Variants in MKRN2OS observed in about 807,000 individuals in gnomAD.
MKRN2OS encodes the protein MKRN2 opposite strand.
Under a neutral mutation model 18.2 loss-of-function variants are expected in MKRN2OS, and 17 were observed. The observed-to-expected ratio is 0.93, with a 90% CI of 0.64 to 1.40. The LOEUF is 1.40. Among genes scored for constraint, MKRN2OS ranks in the 40% most tolerant of loss-of-function variants. The probability of loss-of-function intolerance (pLI) is 0.00; values close to 1 mark genes in which losing one functional copy is unlikely to be tolerated. For synonymous variants in MKRN2OS, 121 were observed against 108.5 expected (o/e 1.12, Z -0.72); for missense variants, 337 against 283.0 (o/e 1.19, Z -1.37).
rs1450184896 is a variant in MKRN2OS at position 12,540,468 on chromosome 3, G to A, written c.432-35C>T. On this transcript the variant is annotated intron_variant, in intron 3 of 3. Coordinates refer to ENST00000564146, the MANE Select transcript of MKRN2OS (RefSeq NM_001195279.2). ...GAGAATAAGGGTGTTGAGAAGAAAA[G>A]GCTGCTCAGAACAGGCTGTCAAGCT... The A allele has an allele frequency of 3.3e-6, 5 of 1,535,340 alleles. No individual in the cohort carries two copies. The African/African-American group carries it at 6.8e-5, about 21-fold the overall frequency.
intron 1 of MKRN2OS, among the ~76,000 whole-genome samples, chr3:12,544,485 G>A (rs1374693744): frequency 6.6e-6 from 1 of 152,000 alleles, no homozygotes; most frequent in Non-Finnish European, 1.5e-5. Context: ...AGCCCAGCCT[G>A]GCCAACATGG....
chr3:12,554,363 C>T (rs1202095526), intron 1 of MKRN2OS, among the ~76,000 whole-genome samples: 2 of 152,052 alleles, frequency 1.3e-5, no homozygotes, highest in Non-Finnish European at 2.9e-5. Context: ...CGGGAAAAGT[C>T]TAAGTGCTAA....
downstream of MKRN2OS, among the ~76,000 whole-genome samples, chr3:12,553,100 A>T (rs538896739): frequency 6.6e-6 from 1 of 152,100 alleles, no homozygotes; most frequent in Non-Finnish European, 1.5e-5. Context: ...CCAGATGTTT[A>T]AGGGAAAAAT....
At chr3:12,543,365 T>G in intron 1 of MKRN2OS, 136 bp from the exon 2 acceptor site, 1 of 652,014 alleles carries the variant, frequency 1.5e-6, no homozygotes, top group Non-Finnish European at 2.6e-6. Context: ...GGCGGGCAGA[T>G]CACTTGAGGC....
intron 1 of MKRN2OS, among the ~76,000 whole-genome samples, chr3:12,560,574 G>A (rs1489571625): frequency 6.6e-6 from 1 of 151,972 alleles, no homozygotes; most frequent in African/African-American, 2.4e-5. Flanking sequence ...AACATTCAAG[G>A]GCCTGTAAGA....
intron 1 of MKRN2OS, among the ~76,000 whole-genome samples, chr3:12,559,664 C>T (rs2058019731): frequency 6.6e-6 from 1 of 152,138 alleles, no homozygotes; most frequent in African/African-American, 2.4e-5. Context: ...AAAATGACTG[C>T]TCGTACAGTT....
intron 1 of MKRN2OS, among the ~76,000 whole-genome samples, chr3:12,556,298 C>G (rs1366862890): frequency 6.6e-6 from 1 of 151,830 alleles, no homozygotes; most frequent in Admixed American, 6.6e-5. Context: ...TTGCAGTGAG[C>G]CGAGATCGCC....
rs1215406690 is a variant in MKRN2OS, at chr3:12,545,311, A to G, written c.154T>C (p.Phe52Leu). The change falls in exon 1 of 4, where the codon TTT becomes CTT. Residue 52 changes from phenylalanine (F) to leucine (L), a missense_variant. Coordinates refer to ENST00000564146, the MANE Select transcript of MKRN2OS (RefSeq NM_001195279.2). ...EDAPVSIANP[F>L]TNGHQEKCSF... The stretch of plus-strand genomic sequence containing the variant: ...CATTTTTCTTGATGTCCATTAGTAA[A>G]TGGATTAGCGATGCTAACAGGTGCG... 1.7e-5 allele frequency: 26 copies of G among 1,536,014 alleles called. No individual in the cohort carries two copies. Among genetic ancestry groups the G allele is most frequent in the Non-Finnish European group, 2.2e-5 (25 of 1,146,902 alleles).
At chr3:12,547,490 G>A (rs908349022), upstream of MKRN2OS, among the ~76,000 whole-genome samples, 1 of 152,188 alleles carries the variant, frequency 6.6e-6, no homozygotes, top group Non-Finnish European at 1.5e-5. Context: ...GCTGCAGTGA[G>A]CCATTATCAC....
upstream of MKRN2OS, among the ~76,000 whole-genome samples, chr3:12,550,307 A>G (rs188113265): frequency 4.6e-5 from 7 of 152,200 alleles, no homozygotes; most frequent in African/African-American, 1.2e-4. Flanking sequence ...ACTTAAATGC[A>G]TATCACTGAG....
chr3:12,540,343 C>G lies in MKRN2OS; in HGVS notation c.522G>C (p.Lys174Asn). 1 of 1,536,150 alleles carries G rather than the reference C, an allele frequency of 6.5e-7. No homozygotes were observed. Among genetic ancestry groups the G allele is most frequent in the Non-Finnish European group, 8.7e-7 (1 of 1,146,918 alleles). ...LMAEGRQQLD[K>N]GEFTEKYVVP... ...CCACGTACTTCTCCGTAAATTCACCCTTGTCCAGTTGCTGTCTACCTTCTG... is the reference window on the plus strand; with the variant it reads ...CCACGTACTTCTCCGTAAATTCACCGTTGTCCAGTTGCTGTCTACCTTCTG... The change falls in exon 4 of 4, where the codon AAG (lysine) becomes AAC (asparagine). Residue 174 changes from lysine to asparagine, a missense_variant. Lys to Asn is a moderately conservative substitution (Grantham distance 94, BLOSUM62 0). Transcript: ENST00000564146.
intron 1 of MKRN2OS, among the ~76,000 whole-genome samples, chr3:12,558,360 C>T (rs1057104235): frequency 1.3e-5 from 2 of 152,104 alleles, no homozygotes; most frequent in Non-Finnish European, 2.9e-5. Flanking sequence ...TGTGTGTTTA[C>T]GTATTTTTAT....
chr3:12,556,787 A>G (rs919526235), intron 1 of MKRN2OS, among the ~76,000 whole-genome samples: 4 of 152,080 alleles, frequency 2.6e-5, no homozygotes, highest in African/African-American at 9.7e-5. Context: ...GCCTCGAAGG[A>G]GGCGGGAGAT....
In MKRN2OS at chr3:12,545,271, C is replaced by G; in HGVS notation, c.194G>C (p.Arg65Thr). 6.5e-7 allele frequency: 1 copy of G among 1,535,634 alleles called. No homozygotes were observed. The highest frequency in any genetic ancestry group is 8.7e-7 in the Non-Finnish European group (1 of 1,146,676). The part of the protein sequence containing the change: ...GHQEKCSFLL[R>T]PTQGTFLREY... Reference sequence around the variant, plus strand: ...CCTAAGAAATGTCCCCTGAGTTGGTCTGAGGAGGAATGAACATTTTTCTTG... The same window carrying G: ...CCTAAGAAATGTCCCCTGAGTTGGTGTGAGGAGGAATGAACATTTTTCTTG... Residue 65 changes from arginine (R) to threonine (T), a missense_variant, in exon 1 of 4, where the codon AGA becomes ACA. Arg to Thr is a moderately conservative substitution (Grantham distance 71). Transcript: ENST00000564146.
chr3:12,550,511 A>C (rs2057921897), downstream of MKRN2OS, among the ~76,000 whole-genome samples: 3 of 152,230 alleles, frequency 2.0e-5, no homozygotes, highest in Admixed American at 2.0e-4. Flanking sequence ...CAAAACCCAT[A>C]GAGTAAGCCT....
upstream of MKRN2OS, among the ~76,000 whole-genome samples, chr3:12,547,501 A>C (rs1195783157): frequency 6.6e-6 from 1 of 152,138 alleles, no homozygotes; most frequent in Admixed American, 6.6e-5. Context: ...CCATTATCAC[A>C]CCACTGTACC....
Position 12,557,140 on chromosome 3 carries a change from G to C in MKRN2OS, n.265-3006C>G, listed in dbSNP as rs373792205. On this transcript the variant is annotated intron_variant and non_coding_transcript_variant, in intron 1 of 1. Transcript: ENST00000447550. ...GCGGCGGCACGACGACGGTCCCTCA[G>C]CCCAGCCACCATGAGCACCAAGCAG... 88 of 1,520,996 alleles carry C rather than the reference G, an allele frequency of 5.8e-5. No homozygotes were observed. In the African/African-American group the frequency reaches 1.1e-3, roughly 20 times the overall value. The allele number at this position is 1,520,996 out of a possible 1,614,324, so 94.2% of individuals were successfully genotyped here.
upstream of MKRN2OS, among the ~76,000 whole-genome samples, chr3:12,547,858 G>A (rs1238801461): frequency 6.6e-6 from 1 of 152,122 alleles, no homozygotes; most frequent in Non-Finnish European, 1.5e-5. Context: ...TGCATCTCCA[G>A]TGTTATAACA....
At chr3:12,548,429 C>T (rs9861779), upstream of MKRN2OS, among the ~76,000 whole-genome samples, 83,101 of 139,796 alleles carry the variant, frequency 0.59, 26,251 homozygotes, top group African/African-American at 0.85. Flanking sequence ...GCCTGGGCGA[C>T]AGAGCGAGAC....
Sources: allele counts gnomAD v4.1 joint callset (sites outside exome capture counted in the v4.1 genomes callset), GRCh38; gene constraint gnomAD v4.1.1; transcripts MANE v1.5; gene names NCBI Gene and HGNC (gene_info 2026-07-23, HGNC 2026-07-21).